NCBP1: variants seen among roughly 807,000 people sequenced by gnomAD.
The protein encoded by NCBP1 is nuclear cap binding protein subunit 1.
In NCBP1, 16 loss-of-function variants were observed where a neutral mutation model predicts 111.7. That is an observed-to-expected ratio of 0.14 (90% CI 0.10 to 0.22). The LOEUF (loss-of-function observed/expected upper bound fraction) is 0.22, where lower values mean the gene tolerates loss of function less well. Ranked by LOEUF, NCBP1 falls within the 10% of genes least tolerant of loss-of-function variation. The pLI, the probability that NCBP1 is intolerant of heterozygous loss-of-function variation, is 1.00. For synonymous variants in NCBP1, 304 were observed against 314.3 expected (o/e 0.97, Z 0.35); for missense variants, 607 against 957.5 (o/e 0.63, Z 4.83).
At position 97,654,943 on chromosome 9, in the gene NCBP1, A is replaced by G; in HGVS notation, c.1234A>G (p.Arg412Gly). 6.3e-7 allele frequency: 1 copy of G among 1,591,406 alleles called. No individual in the cohort carries two copies. The highest frequency in any genetic ancestry group is 8.5e-7 in the Non-Finnish European group (1 of 1,170,178). ...CACAATGAACACTACCTGTGTAGAC[A>G]GGTACAGTAATCGCTTTACTGCTGA... Reference protein sequence around the residue: ...LDTMNTTCVDRFINWFSHHLS... With the variant: ...LDTMNTTCVDGFINWFSHHLS... The change falls in exon 12 of 23, where the codon AGG (arginine) becomes GGG (glycine). Residue 412 changes from arginine to glycine, a missense_variant and splice_region_variant. By Grantham distance (125) the Arg-to-Gly change is moderately radical. This residue lies in a region of NCBP1 where 21 missense variants were observed against 19.6 expected (regional missense o/e 1.07). Coordinates refer to ENST00000375147, the MANE Select transcript of NCBP1 (RefSeq NM_002486.5).
In NCBP1 at chr9:97,640,779, A is replaced by G. The variant is rs760818788; in HGVS notation, c.35-15A>G. The G allele has an allele frequency of 1.9e-6, 3 of 1,582,736 alleles. No homozygotes were observed. The highest frequency in any genetic ancestry group is 1.7e-6 in the Non-Finnish European group (2 of 1,164,282). On this transcript the variant is annotated splice_polypyrimidine_tract_variant and intron_variant, in intron 1 of 22. Transcript: ENST00000375147. ...ATTTATCATGTAATGTTAATTTTTTATGTTGCTGAAATAGGTGGGCAGCCT... is the reference window on the plus strand; with the variant it reads ...ATTTATCATGTAATGTTAATTTTTTGTGTTGCTGAAATAGGTGGGCAGCCT...
In NCBP1 at chr9:97,671,535, G is replaced by A. The variant is rs1828193485; in HGVS notation, c.*336G>A. Reference sequence around the variant, plus strand: ...AGAGGTCAACCTTACATAGTATATAGAACTGATGGGTTTACCCAGCTACCC... The same window carrying A: ...AGAGGTCAACCTTACATAGTATATAAAACTGATGGGTTTACCCAGCTACCC... On this transcript the variant is annotated 3_prime_UTR_variant, in exon 23 of 23. Transcript: ENST00000375147. 1 of 180,516 alleles carries A rather than the reference G, an allele frequency of 5.5e-6. No individual in the cohort carries two copies. The allele number at this position is 180,516 out of a possible 1,614,324, so 11.2% of individuals were successfully genotyped here. A position where few individuals can be genotyped will look rare whatever the true frequency, so the allele number is the denominator to read the frequency against.
intron 1 of NCBP1, chr9:97,634,729 G>C (rs987044909): frequency 6.6e-6 from 1 of 152,198 alleles, no homozygotes; most frequent in African/African-American, 2.4e-5. Context: ...GTAAAACTTA[G>C]AGTAATTCTA....
At chr9:97,634,166 C>T (rs2131324807) in intron 1 of NCBP1, among the ~76,000 whole-genome samples, 1 of 152,354 alleles carries the variant, frequency 6.6e-6, no homozygotes, top group South Asian at 2.1e-4. Flanking sequence ...ATGGGTAGAC[C>T]CTTGGTCTCT....
chr9:97,645,933 G>A (rs1308609071), intron 6 of NCBP1, among the ~76,000 whole-genome samples: 2 of 152,224 alleles, frequency 1.3e-5, no homozygotes, highest in Middle Eastern at 3.2e-3. Flanking sequence ...GCAAAGGACA[G>A]TTGGCAATAT....
Position 97,643,286 on chromosome 9 carries a change from G to C in NCBP1, c.307G>C (p.Glu103Gln). ...LNARNYNFGG[E>Q]FVEAMIRQLK... The stretch of plus-strand genomic sequence containing the variant: ...TGCCAGGAATTACAATTTTGGTGGA[G>C]AATTTGTAGAAGCCATGATTCGTCA... The change falls in exon 4 of 23, where the codon GAA becomes CAA. Residue 103 changes from glutamate to glutamine, a missense_variant. Glu to Gln is a conservative substitution (Grantham distance 29). This residue lies in a region of NCBP1 where 185 missense variants were observed against 272.0 expected (regional missense o/e 0.68). Coordinates refer to ENST00000375147, the MANE Select transcript of NCBP1 (RefSeq NM_002486.5). 1 of 1,609,876 alleles carries C rather than the reference G, an allele frequency of 6.2e-7. No individual in the cohort carries two copies. Among genetic ancestry groups the C allele is most frequent in the Non-Finnish European group, 8.5e-7 (1 of 1,178,700 alleles).
rs550304174 is a variant in NCBP1 at position 97,654,106 on chromosome 9, A to G, written c.1170+198A>G. On this transcript the variant is annotated intron_variant, in intron 11 of 22. Transcript: ENST00000375147. ...TACATATGTAGATACATCCTTCACT[A>G]TTTGGGTCAGGGAGTTCAAAAATAG... Among the ~76,000 whole-genome samples, 248 of 152,250 alleles carry G rather than the reference A, an allele frequency of 1.6e-3. 2 individuals are homozygous for G. Among genetic ancestry groups the G allele is most frequent in the African/African-American group, 5.0e-3 (208 of 41,552 alleles).
intron 21 of NCBP1, 135 bp downstream of exon 21, chr9:97,669,109 GGAAGGAAA>G: frequency 9.3e-7 from 1 of 1,080,260 alleles, no homozygotes. Flanking sequence ...CAAAAATTTA[GGAAGGAAA>G]TAAAAGTTCA....
chr9:97,671,288 T>C lies in NCBP1; in HGVS notation c.*89T>C. 2 of 932,144 alleles carry C rather than the reference T, an allele frequency of 2.1e-6. No homozygotes were observed. The highest frequency in any genetic ancestry group is 3.3e-6 in the Non-Finnish European group (2 of 608,388). The allele number at this position is 932,144 out of a possible 1,614,324, so 57.7% of individuals were successfully genotyped here. On this transcript the variant is annotated 3_prime_UTR_variant, in exon 23 of 23. Coordinates refer to ENST00000375147, the MANE Select transcript of NCBP1 (RefSeq NM_002486.5). ...GATGGTTTGAATGCTTGCTTTCTTG[T>C]AGTATCCTTTCACTTCTTAAAGGAA...
chr9:97,640,231 A>G (rs1004338594), intron 1 of NCBP1, among the ~76,000 whole-genome samples: 1 of 152,254 alleles, frequency 6.6e-6, no homozygotes, highest in Admixed American at 6.5e-5. Flanking sequence ...CTAATGTTTT[A>G]TGCTCCTTTT....
At chr9:97,666,074 T>C (rs1443037609) in intron 19 of NCBP1, among the ~76,000 whole-genome samples, 1 of 152,192 alleles carries the variant, frequency 6.6e-6, no homozygotes, top group Non-Finnish European at 1.5e-5. Context: ...AAACCTGTAT[T>C]GTTCAAGGGC....
chr9:97,658,844 G>A, intron 15 of NCBP1, 101 bp downstream of exon 15: 1 of 896,120 alleles, frequency 1.1e-6, no homozygotes, highest in Non-Finnish European at 1.8e-6. Context: ...TTCTTTTCTT[G>A]GGGTTTATAT....
chr9:97,651,095 C>G (rs1375680589), intron 9 of NCBP1, among the ~76,000 whole-genome samples: 2 of 152,036 alleles, frequency 1.3e-5, no homozygotes, highest in Non-Finnish European at 2.9e-5. Flanking sequence ...TACCTAGACT[C>G]CTTTTGAGCT....
At chr9:97,658,491 A>G in intron 14 of NCBP1, 149 bp from the exon 15 acceptor site, 1 of 651,952 alleles carries the variant, frequency 1.5e-6, no homozygotes, top group Non-Finnish European at 2.7e-6. Context: ...GGCTTAGACA[A>G]AAACTCAAAG....
In NCBP1 at chr9:97,664,291, G is replaced by A. The variant is rs553686144; in HGVS notation, c.1798-49G>A. On this transcript the variant is annotated intron_variant, in intron 18 of 22. Coordinates refer to ENST00000375147, the MANE Select transcript of NCBP1 (RefSeq NM_002486.5). ...CAGCAGTGTGGTGGCACATATATAT[G>A]TGTGTGTATGTGTGTGTGTGATTTA... The A allele has an allele frequency of 1.7e-5, 18 of 1,088,370 alleles. No homozygotes were observed. In the Admixed American group the frequency reaches 1.7e-4, roughly 10 times the overall value. 67.4% of individuals were successfully genotyped at this position (1,088,370 alleles called of 1,614,324 possible). A position where few individuals can be genotyped will look rare whatever the true frequency, so the allele number is the denominator to read the frequency against.
chr9:97,667,239 CT>C (rs1276357309), intron 20 of NCBP1, among the ~76,000 whole-genome samples: 1 of 152,160 alleles, frequency 6.6e-6, no homozygotes, highest in Non-Finnish European at 1.5e-5. Flanking sequence ...ATACTTAACA[CT>C]TTCCCCGTAC....
Position 97,647,510 on chromosome 9 carries a change from T to C in NCBP1, c.630T>C (p.His210=). The C allele has an allele frequency of 6.2e-7, 1 of 1,613,068 alleles. No individual in the cohort carries two copies. The highest frequency in any genetic ancestry group is 8.5e-7 in the Non-Finnish European group (1 of 1,179,306). The change falls in exon 7 of 23, where the codon CAT becomes CAC. Residue 210 remains histidine (H), a synonymous_variant. Coordinates refer to ENST00000375147, the MANE Select transcript of NCBP1 (RefSeq NM_002486.5). ...ESYLKRRQKT[H]VPMLQVWTAD... ...TCTTTAGAAGACGCCAAAAGACTCATGTACCCATGTTACAGGTATGGACTG... is the reference window on the plus strand; with the variant it reads ...TCTTTAGAAGACGCCAAAAGACTCACGTACCCATGTTACAGGTATGGACTG...
At position 97,664,357 on chromosome 9, in the gene NCBP1, GGATAA is replaced by G; in HGVS notation, c.1819_1823del (p.Lys607AspfsTer7). 1 of 1,610,320 alleles carries G rather than the reference GGATAA, an allele frequency of 6.2e-7. No individual in the cohort carries two copies. Among genetic ancestry groups the G allele is most frequent in the Non-Finnish European group, 8.5e-7 (1 of 1,176,812 alleles). On this transcript the variant is annotated frameshift_variant, in exon 19 of 23. Coordinates refer to ENST00000375147, the MANE Select transcript of NCBP1 (RefSeq NM_002486.5). LOFTEE classifies it high-confidence loss of function. The stretch of plus-strand genomic sequence containing the variant: ...CATTGTAGATGATTGCTGTACTAGT[GGATAA>G]GATGATTCGTACACAAATAGTTGAT...
At chr9:97,668,714 GT>G (rs1828086026) in intron 20 of NCBP1, 131 bp from the exon 21 acceptor site, 4 of 933,238 alleles carry the variant, frequency 4.3e-6, no homozygotes, top group South Asian at 2.1e-5. Context: ...GGGTGGCGGG[GT>G]GGGGGGGTAC....
Sources: allele counts gnomAD v4.1 joint callset (sites outside exome capture counted in the v4.1 genomes callset), GRCh38; gene constraint gnomAD v4.1.1; regional missense constraint gnomAD v4.1.1; transcripts MANE v1.5; gene names NCBI Gene and HGNC (gene_info 2026-07-23, HGNC 2026-07-21).